The following EHMT1 variants were observed in gnomAD, a reference collection of about 807,000 sequenced individuals.
EHMT1 encodes histone-lysine N-methyltransferase EHMT1.
In EHMT1, 15 loss-of-function variants were observed where a neutral mutation model predicts 147.2. The observed-to-expected ratio is 0.10, with a 90% confidence interval of 0.07 to 0.16. EHMT1 has a LOEUF of 0.16. Ranked by LOEUF, EHMT1 falls within the 10% of genes least tolerant of loss-of-function variation. The pLI is 1.00. For synonymous variants in EHMT1, 795 were observed against 709.6 expected (o/e 1.12, Z -1.91); for missense variants, 1,587 against 1,772.4 (o/e 0.90, Z 1.88).
intron 3 of EHMT1, among the ~76,000 whole-genome samples, chr9:137,718,998 G>A (rs549082026): frequency 2.0e-5 from 3 of 152,074 alleles, no homozygotes; most frequent in South Asian, 4.2e-4. Context: ...GGTGATCCAT[G>A]CGCCTCGGCC....
intron 13 of EHMT1, 21 bp from the exon 14 acceptor site, chr9:137,779,614 G>C (rs771246122): frequency 6.2e-7 from 1 of 1,613,476 alleles, no homozygotes; most frequent in South Asian, 1.1e-5. Context: ...CATGCTGACT[G>C]TTGTCTTGTG....
rs1465052461 is a variant in EHMT1, at chr9:137,674,146, G to A, written c.22-36821G>A. Among the ~76,000 whole-genome samples, 4 of 152,312 alleles carry A rather than the reference G, an allele frequency of 2.6e-5. No homozygotes were observed. The East Asian group carries it at 7.7e-4, about 29-fold the overall frequency. ...CACCAAGGCATTCCTCACAGGGTCT[G>A]GAGCGCAGTGAGCTTAGAAAACCAG... On this transcript the variant is annotated intron_variant, in intron 1 of 26. Transcript: ENST00000460843.
At chr9:137,796,881 G>A (rs201375455) in intron 16 of EHMT1, among the ~76,000 whole-genome samples, 2 of 68,604 alleles carry the variant, frequency 2.9e-5, no homozygotes, top group Admixed American at 2.0e-4. Flanking sequence ...AAAGACTGAC[G>A]GGGCGGGACA....
chr9:137,725,859 C>A (rs1366470835), intron 3 of EHMT1, among the ~76,000 whole-genome samples: 1 of 152,232 alleles, frequency 6.6e-6, no homozygotes, highest in East Asian at 1.9e-4. Context: ...CCTCTCATCT[C>A]CCAGCCAAGC....
At position 137,776,307 on chromosome 9, in the gene EHMT1, G is replaced by C. The variant is rs904605500; in HGVS notation, c.1792-311G>C. Among the ~76,000 whole-genome samples the C allele has an allele frequency of 6.6e-6, 1 of 152,146 alleles. No individual in the cohort carries two copies. The highest frequency in any genetic ancestry group is 1.5e-5 in the Non-Finnish European group (1 of 68,026). On this transcript the variant is annotated intron_variant, in intron 11 of 26. Coordinates refer to ENST00000460843, the MANE Select transcript of EHMT1 (RefSeq NM_024757.5). This position sits in a 1 kb window ranked among gnomAD's most constrained non-coding sequence, Gnocchi z 4.4. The stretch of plus-strand genomic sequence containing the variant: ...CTGTCCCTATCCGCCCTTCAGAGTA[G>C]GGGCCTTCTGGGTCCTTCTTTAGGC...
chr9:137,829,274 C>T (rs1030828578), intron 25 of EHMT1, among the ~76,000 whole-genome samples: 1 of 152,200 alleles, frequency 6.6e-6, no homozygotes, highest in African/African-American at 2.4e-5. Flanking sequence ...TCTGCCACTT[C>T]CTTCAGAGAT....
chr9:137,724,044 A>G (rs73570096), intron 3 of EHMT1, among the ~76,000 whole-genome samples: 2,140 of 152,250 alleles, frequency 0.014, 46 homozygotes, highest in African/African-American at 0.048. Flanking sequence ...TGGCAGCTCC[A>G]TTTCCTTGTA....
At chr9:137,797,842 A>G (rs1246075722) in intron 16 of EHMT1, among the ~76,000 whole-genome samples, 1 of 152,066 alleles carries the variant, frequency 6.6e-6, no homozygotes, top group Non-Finnish European at 1.5e-5. Flanking sequence ...CAAAGCAAAC[A>G]CCTGAAGGGA....
chr9:137,803,765 C>G (rs960216922), intron 18 of EHMT1, among the ~76,000 whole-genome samples: 1 of 151,372 alleles, frequency 6.6e-6, no homozygotes, highest in Non-Finnish European at 1.5e-5. Context: ...GTGGGAAGAT[C>G]GCTTGAGCCC....
chr9:137,664,414 C>G (rs2134127303), intron 1 of EHMT1, among the ~76,000 whole-genome samples: 1 of 151,986 alleles, frequency 6.6e-6, no homozygotes, highest in African/African-American at 2.4e-5. Flanking sequence ...TGCCCTCCAC[C>G]ACACTCGGCT....
At chr9:137,651,521 C>T (rs761035923) in intron 1 of EHMT1, among the ~76,000 whole-genome samples, 4 of 152,128 alleles carry the variant, frequency 2.6e-5, no homozygotes, top group Admixed American at 6.6e-5. Flanking sequence ...CGGTGGCTCA[C>T]GCTTGTAATC....
chr9:137,666,341 A>G (rs1162189445), intron 1 of EHMT1, among the ~76,000 whole-genome samples: 1 of 152,250 alleles, frequency 6.6e-6, no homozygotes, highest in African/African-American at 2.4e-5. Context: ...AGTTATGCTG[A>G]TGATAAACCA....
At chr9:137,814,025 C>CCCTCCTCTT (rs1954708596) in intron 21 of EHMT1, among the ~76,000 whole-genome samples, 1 of 146,728 alleles carries the variant, frequency 6.8e-6, no homozygotes, top group Non-Finnish European at 1.5e-5. Context: ...GTGGGCAGCT[C>CCCTCCTCTT]CCTCCTCTTC....
At chr9:137,698,039 C>T (rs374742231) in intron 1 of EHMT1, among the ~76,000 whole-genome samples, 152 of 134,408 alleles carry the variant, frequency 1.1e-3, no homozygotes, top group African/African-American at 3.5e-3. Flanking sequence ...TCCCCACTGT[C>T]GTGAGGGCAG....
At chr9:137,814,061 CCCCCCCCCCCG>C (rs1954722226) in intron 21 of EHMT1, among the ~76,000 whole-genome samples, 1 of 93,008 alleles carries the variant, frequency 1.1e-5, no homozygotes, top group African/African-American at 5.8e-5. Context: ...CCCAGGCCCC[CCCCCCCCCCCG>C]CCCCCCGCCC....
chr9:137,823,547 G>A, intron 25 of EHMT1: 1 of 257,724 alleles, frequency 3.9e-6, no homozygotes, highest in South Asian at 2.9e-5. Flanking sequence ...AAGTAGCTGG[G>A]ACTACAGGTG....
At chr9:137,648,227 T>A (rs1845045971) in intron 1 of EHMT1, among the ~76,000 whole-genome samples, 1 of 152,148 alleles carries the variant, frequency 6.6e-6, no homozygotes, top group Non-Finnish European at 1.5e-5. Context: ...TAAGAGACCA[T>A]ATTGTATAAT....
At chr9:137,759,616 C>A (rs1949650093) in intron 9 of EHMT1, among the ~76,000 whole-genome samples, 1 of 152,242 alleles carries the variant, frequency 6.6e-6, no homozygotes, top group African/African-American at 2.4e-5. Context: ...GCTTGTGTGA[C>A]ATTTTGTAAA....
chr9:137,789,644 C>T (rs928763674), intron 15 of EHMT1, among the ~76,000 whole-genome samples: 1 of 152,238 alleles, frequency 6.6e-6, no homozygotes, highest in African/African-American at 2.4e-5. Context: ...TCTGTGGACC[C>T]TGCGTTCTCT....
Sources: allele counts gnomAD v4.1 joint callset (sites outside exome capture counted in the v4.1 genomes callset), GRCh38; gene constraint gnomAD v4.1.1; non-coding constraint Gnocchi (gnomAD v3.1); transcripts MANE v1.5; gene names NCBI Gene and HGNC (gene_info 2026-07-23, HGNC 2026-07-21).